The following CD86 variants were observed in gnomAD, a reference collection of about 807,000 sequenced individuals.
The protein encoded by CD86 is T-lymphocyte activation antigen CD86.
CD86 carries 11 observed loss-of-function variants against 32.1 expected under a neutral mutation model. The ratio of observed to expected loss-of-function variants is 0.34; its 90% CI spans 0.22 to 0.57. The LOEUF (loss-of-function observed/expected upper bound fraction) is 0.57. Among genes scored for constraint, CD86 ranks in the 20% least tolerant of loss-of-function variants. The pLI, the probability that CD86 is intolerant of heterozygous loss-of-function variation, is 0.86. For missense variants in CD86, 359 were observed against 398.4 expected (o/e 0.90, Z 0.84); for synonymous variants, 137 against 135.3 (o/e 1.01, Z -0.09).
intron 6 of CD86, among the ~76,000 whole-genome samples, chr3:122,118,789 C>CAT (rs2073296615): frequency 6.6e-6 from 1 of 152,212 alleles, no homozygotes; most frequent in East Asian, 1.9e-4. Flanking sequence ...TGGTGCCTGG[C>CAT]ATATAGCAGG....
At chr3:122,069,355 G>A (rs2072457468) in intron 1 of CD86, among the ~76,000 whole-genome samples, 1 of 152,152 alleles carries the variant, frequency 6.6e-6, no homozygotes, top group South Asian at 2.1e-4. Flanking sequence ...TGGAAAATGG[G>A]AAAAATTACT....
At chr3:122,091,813 T>A in intron 2 of CD86, 163 bp downstream of exon 2, 1 of 647,486 alleles carries the variant, frequency 1.5e-6, no homozygotes, top group South Asian at 1.9e-5. Flanking sequence ...GAAGGAAGTG[T>A]TATGATTGAG....
chr3:122,114,515 G>A (rs1471641211), intron 5 of CD86, among the ~76,000 whole-genome samples: 1 of 152,144 alleles, frequency 6.6e-6, no homozygotes, highest in Non-Finnish European at 1.5e-5. Flanking sequence ...TGGAGCCAGT[G>A]TCCAGGCCCC....
intron 5 of CD86, among the ~76,000 whole-genome samples, chr3:122,113,752 T>C (rs1415016952): frequency 6.6e-6 from 1 of 152,200 alleles, no homozygotes; most frequent in African/African-American, 2.4e-5. Flanking sequence ...ATCTGGGAAC[T>C]CAGTCAATTA....
chr3:122,074,555 C>T (rs2072531794), intron 1 of CD86, among the ~76,000 whole-genome samples: 1 of 152,286 alleles, frequency 6.6e-6, no homozygotes. Flanking sequence ...GACCACTGGC[C>T]GCAGGAGGCC....
intron 2 of CD86, among the ~76,000 whole-genome samples, chr3:122,093,972 TA>T (rs914291439): frequency 4.6e-5 from 7 of 152,226 alleles, no homozygotes; most frequent in African/African-American, 1.7e-4. Context: ...GAATAAGTGG[TA>T]AGACTTCTTC....
intron 2 of CD86, among the ~76,000 whole-genome samples, chr3:122,093,609 G>A (rs2072861341): frequency 6.6e-6 from 1 of 152,108 alleles, no homozygotes. Context: ...GCATAGAAAA[G>A]ATACAGTAAA....
chr3:122,081,664 G>A (rs2072636090), intron 1 of CD86, among the ~76,000 whole-genome samples: 1 of 152,210 alleles, frequency 6.6e-6, no homozygotes. Flanking sequence ...CAGGCTAACA[G>A]CCCTCATAAG....
chr3:122,110,232 C>T (rs2073152487), intron 5 of CD86, among the ~76,000 whole-genome samples: 1 of 152,098 alleles, frequency 6.6e-6, no homozygotes, highest in Non-Finnish European at 1.5e-5. Flanking sequence ...TTTAACCAAC[C>T]TCATTTTTTG....
intron 5 of CD86, 115 bp downstream of exon 5, chr3:122,109,523 G>C: frequency 8.1e-7 from 1 of 1,232,488 alleles, no homozygotes; most frequent in Admixed American, 2.0e-5. Flanking sequence ...TCAGGAAGTT[G>C]TTGGGAAAAA....
chr3:122,057,091 C>T (rs900168948), intron 1 of CD86, among the ~76,000 whole-genome samples: 1 of 152,112 alleles, frequency 6.6e-6, no homozygotes, highest in African/African-American at 2.4e-5. Flanking sequence ...TTTTAAAAAG[C>T]AAGCAATCAA....
At chr3:122,080,440 A>G (rs995463470) in intron 1 of CD86, among the ~76,000 whole-genome samples, 3 of 152,198 alleles carry the variant, frequency 2.0e-5, no homozygotes, top group Admixed American at 2.0e-4. Flanking sequence ...GCTAAATGCT[A>G]TCGCCATGCT....
intron 5 of CD86, among the ~76,000 whole-genome samples, chr3:122,112,621 T>C (rs1430436178): frequency 1.3e-5 from 2 of 152,360 alleles, no homozygotes; most frequent in East Asian, 3.9e-4. Flanking sequence ...AGTGATATCA[T>C]CACATTTCCC....
chr3:122,113,784 T>C lies in CD86; in HGVS notation c.848-4264T>C, dbSNP rs1281890222. Among the ~76,000 whole-genome samples the C allele has an allele frequency of 2.0e-5, 3 of 152,178 alleles. No homozygotes were observed. In the East Asian group the frequency reaches 5.8e-4, roughly 29 times the overall value. On this transcript the variant is annotated intron_variant, in intron 5 of 6. Coordinates refer to ENST00000330540, the MANE Select transcript of CD86 (RefSeq NM_175862.5). ...ATTAAGAAATAGCTCAAGTAACTGATGATGCTTCACCTGAAAGAAGGCCTG... is the reference window on the plus strand; with the variant it reads ...ATTAAGAAATAGCTCAAGTAACTGACGATGCTTCACCTGAAAGAAGGCCTG...
intron 5 of CD86, among the ~76,000 whole-genome samples, chr3:122,111,403 C>T (rs1310343804): frequency 6.6e-6 from 1 of 152,220 alleles, no homozygotes; most frequent in East Asian, 1.9e-4. Context: ...TGTTATCTTA[C>T]ATGGCAAAAG....
At chr3:122,106,110 C>G (rs2073087534) in intron 3 of CD86, 88 bp from the exon 4 acceptor site, 1 of 1,043,690 alleles carries the variant, frequency 9.6e-7, no homozygotes, top group Non-Finnish European at 1.4e-6. Context: ...CCCAATGAGC[C>G]CCAGATCAAG....
chr3:122,064,310 G>A lies in CD86; in HGVS notation c.14+8807G>A, dbSNP rs538296059. 6.6e-5 allele frequency among the ~76,000 whole-genome samples: 10 copies of A among 152,268 alleles called. No homozygotes were observed. The South Asian group carries it at 1.9e-3, about 28-fold the overall frequency. ...AAGATAGTCATAGTAGTTACCTCTT[G>A]ATTGATGGGATTATGGAAATAGGGT... On this transcript the variant is annotated intron_variant, in intron 1 of 6. Transcript: ENST00000330540.
intron 1 of CD86, among the ~76,000 whole-genome samples, chr3:122,073,162 C>T (rs1232844743): frequency 2.0e-5 from 3 of 146,692 alleles, no homozygotes; most frequent in Non-Finnish European, 4.5e-5. Context: ...CCTCATTGCT[C>T]CACATCCTCA....
intron 6 of CD86, among the ~76,000 whole-genome samples, chr3:122,118,524 C>T (rs1362644706): frequency 6.6e-6 from 1 of 152,238 alleles, no homozygotes; most frequent in African/African-American, 2.4e-5. Context: ...TTTAGATGTT[C>T]TTCTGCCACT....
Sources: allele counts gnomAD v4.1 joint callset (sites outside exome capture counted in the v4.1 genomes callset), GRCh38; gene constraint gnomAD v4.1.1; transcripts MANE v1.5; gene names NCBI Gene and HGNC (gene_info 2026-07-23, HGNC 2026-07-21).